The following NLGN4X variants were observed in gnomAD, a reference collection of about 807,000 sequenced individuals.
NLGN4X encodes the protein neuroligin 4 X-linked.
In NLGN4X, 3 loss-of-function variants were observed where a neutral mutation model predicts 40.3. The observed-to-expected ratio is 0.07, with a 90% CI of 0.03 to 0.19. The LOEUF (loss-of-function observed/expected upper bound fraction) is 0.19. Ranked by LOEUF, NLGN4X falls within the 10% of genes least tolerant of loss-of-function variation. NLGN4X has a pLI of 1.00. For synonymous variants in NLGN4X, 270 were observed against 306.8 expected (o/e 0.88, Z 1.25); for missense variants, 382 against 708.3 (o/e 0.54, Z 5.23).
chrX:6,120,326 G>A (rs1364345482), intron 2 of NLGN4X, among the ~76,000 whole-genome samples: 1 of 111,832 alleles, frequency 8.9e-6, no homozygotes, highest in Non-Finnish European at 1.9e-5. Context: ...CACCTAGCCT[G>A]ATGCCTGGCA....
chrX:5,946,684 A>T (rs749196511), intron 3 of NLGN4X, among the ~76,000 whole-genome samples: 1 of 111,568 alleles, frequency 9.0e-6, no homozygotes, highest in East Asian at 2.8e-4. Context: ...GCATTCTTTA[A>T]AACTTTTATT....
At chrX:5,966,438 TCTCACAG>T (rs2146999427) in intron 3 of NLGN4X, among the ~76,000 whole-genome samples, 1 of 112,662 alleles carries the variant, frequency 8.9e-6, no homozygotes, top group South Asian at 3.6e-4. Flanking sequence ...TGTTCCTGTG[TCTCACAG>T]GACATGAGAA....
At chrX:6,094,163 T>C (rs2038704975) in intron 2 of NLGN4X, among the ~76,000 whole-genome samples, 3 of 111,026 alleles carry the variant, frequency 2.7e-5, no homozygotes, top group Admixed American at 1.9e-4. Context: ...TGTTTTAGAA[T>C]TTACAGGAGG....
At chrX:6,013,799 G>A (rs1445394868) in intron 3 of NLGN4X, among the ~76,000 whole-genome samples, 2 of 110,690 alleles carry the variant, frequency 1.8e-5, no homozygotes, top group Non-Finnish European at 3.8e-5. Context: ...TGGGACTTCA[G>A]TGAGCTATGA....
chrX:6,224,950 G>A (rs1926024775), intron 1 of NLGN4X, among the ~76,000 whole-genome samples: 1 of 87,907 alleles, frequency 1.1e-5, no homozygotes, highest in Non-Finnish European at 2.2e-5. Flanking sequence ...GTTCTTACAT[G>A]TCAAAGAAAA....
intron 3 of NLGN4X, among the ~76,000 whole-genome samples, chrX:5,970,309 C>T (rs991744794): frequency 2.7e-5 from 3 of 110,647 alleles, no homozygotes; most frequent in African/African-American, 9.9e-5. Context: ...GCACGTTGTG[C>T]ACATGTACCC....
rs1356287711 is a variant in NLGN4X at position 6,018,009 on chromosome X, G to T, written c.625+11271C>A. 1.4e-4 allele frequency among the ~76,000 whole-genome samples: 15 copies of T among 111,096 alleles called. 1 individual carries two copies. The highest frequency in any genetic ancestry group is 3.8e-5 in the Non-Finnish European group (2 of 52,997). Reference sequence around the variant, plus strand: ...GTTTATTGGGATATAATCCCACTGTGAATCAAGGAACATATTTTATATATG... The same window carrying T: ...GTTTATTGGGATATAATCCCACTGTTAATCAAGGAACATATTTTATATATG... On this transcript the variant is annotated intron_variant, in intron 3 of 5. Coordinates refer to ENST00000381095, the MANE Select transcript of NLGN4X (RefSeq NM_181332.3).
At chrX:5,982,526 T>A (rs957087245) in intron 3 of NLGN4X, among the ~76,000 whole-genome samples, 1 of 112,416 alleles carries the variant, frequency 8.9e-6, no homozygotes, top group East Asian at 2.8e-4. Context: ...CATCTAGCAG[T>A]AACAGAGTAG....
chrX:6,162,780 A>G (rs1011836715), intron 1 of NLGN4X, among the ~76,000 whole-genome samples: 11 of 111,881 alleles, frequency 9.8e-5, no homozygotes, highest in African/African-American at 3.6e-4. Context: ...ACTCAAGGAT[A>G]TTATTGCACG....
chrX:6,209,713 T>A (rs748993945), intron 1 of NLGN4X, among the ~76,000 whole-genome samples: 1 of 112,348 alleles, frequency 8.9e-6, no homozygotes, highest in Non-Finnish European at 1.9e-5. Context: ...ATTTATATCA[T>A]GCATACACAC....
intron 3 of NLGN4X, among the ~76,000 whole-genome samples, chrX:5,927,396 T>C (rs1418311570): frequency 8.9e-6 from 1 of 112,048 alleles, no homozygotes; most frequent in Non-Finnish European, 1.9e-5. Flanking sequence ...TATGTGGAGA[T>C]GTAGAATGTG....
intron 4 of NLGN4X, among the ~76,000 whole-genome samples, chrX:5,906,528 G>A (rs965024097): frequency 9.0e-6 from 1 of 111,088 alleles, no homozygotes; most frequent in African/African-American, 3.3e-5. Context: ...ATGTATGTAT[G>A]TATGTTGAGA....
At chrX:6,148,665 G>A (rs1313419896) in intron 2 of NLGN4X, among the ~76,000 whole-genome samples, 3 of 110,310 alleles carry the variant, frequency 2.7e-5, no homozygotes, top group Admixed American at 9.7e-5. Flanking sequence ...ACAGACACGC[G>A]CCACCATGCC....
chrX:6,124,234 A>G (rs983383147), intron 2 of NLGN4X, among the ~76,000 whole-genome samples: 1 of 111,597 alleles, frequency 9.0e-6, no homozygotes, highest in Non-Finnish European at 1.9e-5. Context: ...AAAGGTATAT[A>G]AGTACATTTT....
chrX:6,083,966 G>A (rs2038434318), intron 2 of NLGN4X, among the ~76,000 whole-genome samples: 1 of 112,031 alleles, frequency 8.9e-6, no homozygotes, highest in African/African-American at 3.2e-5. Context: ...AAGATAAGAA[G>A]ATGCAATGAA....
intron 3 of NLGN4X, among the ~76,000 whole-genome samples, chrX:6,008,545 A>C (rs1012919245): frequency 8.9e-6 from 1 of 111,797 alleles, no homozygotes; most frequent in Non-Finnish European, 1.9e-5. Flanking sequence ...TTTAAAAGTT[A>C]CTTTATTTTC....
At chrX:6,129,861 G>A (rs1463833833) in intron 2 of NLGN4X, among the ~76,000 whole-genome samples, 26 of 109,077 alleles carry the variant, frequency 2.4e-4, no homozygotes, top group African/African-American at 8.8e-4. Context: ...CAAACTGTGG[G>A]GGAAAGAAAG....
intron 1 of NLGN4X, among the ~76,000 whole-genome samples, chrX:6,173,169 G>A (rs1248656979): frequency 1.8e-5 from 2 of 112,391 alleles, no homozygotes; most frequent in East Asian, 2.8e-4. Flanking sequence ...GGAGAGGAGG[G>A]AAGGACCGTA....
At position 6,228,730 on chromosome X, in the gene NLGN4X, G is replaced by C. The variant is rs1279230368; in HGVS notation, c.-495C>G. ...AGAGCCACCAACACCGCCTAGTTTG[G>C]AGGAAATTCGTTGTTTCTGCCGCCA... On this transcript the variant is annotated 5_prime_UTR_variant, in exon 1 of 6. Coordinates refer to ENST00000381095, the MANE Select transcript of NLGN4X (RefSeq NM_181332.3). The C allele has an allele frequency of 1.8e-5, 2 of 111,649 alleles. No homozygotes were observed. The highest frequency in any genetic ancestry group is 6.5e-5 in the African/African-American group (2 of 30,621). 9.2% of individuals were successfully genotyped at this position (111,649 alleles called of 1,213,427 possible).
Sources: gnomAD v4.1 joint callset for allele counts (sites outside exome capture counted in the v4.1 genomes callset) on GRCh38, gnomAD v4.1.1 for gene constraint, MANE v1.5 for transcripts, NCBI Gene and HGNC (gene_info 2026-07-23, HGNC 2026-07-21) for gene names.